Variants in CCNL1 observed in about 807,000 individuals in gnomAD.
The protein encoded by CCNL1 is cyclin L1.
Under a neutral mutation model 60.6 loss-of-function variants are expected in CCNL1, and 13 were observed. That is an observed-to-expected ratio of 0.21 (90% confidence interval 0.14 to 0.34). CCNL1 has a LOEUF of 0.34. Among genes scored for constraint, CCNL1 ranks in the 10% least tolerant of loss-of-function variants. The pLI is 1.00. For missense variants in CCNL1, 481 were observed against 664.3 expected (o/e 0.72, Z 3.03); for synonymous variants, 270 against 244.3 (o/e 1.10, Z -0.98).
intron 10 of CCNL1, 22 bp from the exon 11 acceptor site, chr3:157,148,611 GT>G (rs1234165053): frequency 3.2e-6 from 5 of 1,559,716 alleles, no homozygotes; most frequent in Non-Finnish European, 4.3e-6. Flanking sequence ...AAAATTTGAA[GT>G]TTAGGTTCAG....
At position 157,159,496 on chromosome 3, in the gene CCNL1, A is replaced by T; in HGVS notation, c.304-17T>A. The T allele has an allele frequency of 1.2e-6, 2 of 1,611,048 alleles. No individual in the cohort carries two copies. The highest frequency in any genetic ancestry group is 1.7e-6 in the Non-Finnish European group (2 of 1,177,642). On this transcript the variant is annotated splice_polypyrimidine_tract_variant and intron_variant, in intron 1 of 10. Transcript: ENST00000295926. ...CATCGCCACCTGCAGACAAGAGAGG[A>T]GAACGGAAGCGCAGGGGTCAGGCGG...
chr3:157,153,214 G>C, intron 3 of CCNL1, 58 bp from the exon 4 acceptor site: 1 of 1,557,334 alleles, frequency 6.4e-7, no homozygotes, highest in Non-Finnish European at 8.7e-7. Flanking sequence ...AATTTTATTT[G>C]TGGCATCTCC....
chr3:157,146,520 GAATTT>G, downstream of CCNL1: 1 of 448,394 alleles, frequency 2.2e-6, no homozygotes, highest in Non-Finnish European at 4.4e-6. Flanking sequence ...ACACTATTAA[GAATTT>G]AATACTTGGG....
intron 4 of CCNL1, chr3:157,152,634 T>C: frequency 9.3e-7 from 1 of 1,069,680 alleles, no homozygotes; most frequent in East Asian, 8.9e-5. Flanking sequence ...GAGAAACAAA[T>C]TTCCAATAAT....
intron 2 of CCNL1, 189 bp downstream of exon 2, chr3:157,159,216 G>A (rs1396940004): frequency 1.5e-6 from 1 of 651,584 alleles, no homozygotes; most frequent in African/African-American, 1.8e-5. Context: ...TTTTCGTTAA[G>A]AGGGCACTTA....
intron 8 of CCNL1, 117 bp downstream of exon 8, chr3:157,149,719 A>G: frequency 6.9e-7 from 1 of 1,441,028 alleles, no homozygotes; most frequent in South Asian, 1.3e-5. Context: ...CCATGAGAGA[A>G]CATAGCAGCA....
In CCNL1 at chr3:157,149,300, T is replaced by A; in HGVS notation, c.1219A>T (p.Thr407Ser). The A allele has an allele frequency of 6.2e-7, 1 of 1,611,810 alleles. No individual in the cohort carries two copies. The highest frequency in any genetic ancestry group is 8.5e-7 in the Non-Finnish European group (1 of 1,177,956). ...SRTRSRSRSH[T>S]PRRHYNNRRS... ...ACATTTACTTACTGTCTTCTTGGAG[T>A]ATGTGATCTAGAACGTGATCGTGTT... The change falls in exon 10 of 11, where the codon ACT becomes TCT. Residue 407 changes from threonine to serine, a missense_variant. This residue lies in a region of CCNL1 where 197 missense variants were observed against 233.9 expected (regional missense o/e 0.84). Coordinates refer to ENST00000295926, the MANE Select transcript of CCNL1 (RefSeq NM_020307.4).
In CCNL1 at chr3:157,158,939, T is replaced by C; in HGVS notation, c.415A>G (p.Ile139Val). Residue 139 changes from isoleucine to valine, a missense_variant, in exon 3 of 11, where the codon ATC becomes GTC. This residue lies in a region of CCNL1 where 130 missense variants were observed against 174.5 expected (regional missense o/e 0.75). Coordinates refer to ENST00000295926, the MANE Select transcript of CCNL1 (RefSeq NM_020307.4). ...AMACINLASK[I>V]EEAPRRIRDV... ...CTTATTCTTCTAGGTGCTTCTTCGA[T>C]TTTTGATGCAAGATTAATACAAGCC... is the stretch of plus-strand genomic sequence containing the variant. 2 of 1,613,362 alleles carry C rather than the reference T, an allele frequency of 1.2e-6. No homozygotes were observed. The highest frequency in any genetic ancestry group is 1.7e-6 in the Non-Finnish European group (2 of 1,179,650).
chr3:157,158,067 A>G (rs995635468), intron 3 of CCNL1, among the ~76,000 whole-genome samples: 1 of 152,252 alleles, frequency 6.6e-6, no homozygotes, highest in African/African-American at 2.4e-5. Context: ...ATGTACTGGA[A>G]GTCACCTGTA....
At chr3:157,146,363 C>G (rs1198376331), downstream of CCNL1, 1 of 261,202 alleles carries the variant, frequency 3.8e-6, no homozygotes, top group Non-Finnish European at 7.6e-6. Context: ...CTTTGCCTAG[C>G]CCACAAAGCC....
rs562288460 is a variant in CCNL1, at chr3:157,158,798, T to C, written c.488+68A>G. ...GTATTCACTTGAAAGGAAAGATGTTTTGATTTGATGACTGGTGCACGGTAC... is the reference window on the plus strand; with the variant it reads ...GTATTCACTTGAAAGGAAAGATGTTCTGATTTGATGACTGGTGCACGGTAC... On this transcript the variant is annotated intron_variant, in intron 3 of 10. Transcript: ENST00000295926. 2.0e-5 allele frequency: 20 copies of C among 984,842 alleles called. 1 individual carries two copies. In the South Asian group the frequency reaches 3.0e-4, roughly 15 times the overall value. 61.0% of individuals were successfully genotyped at this position (984,842 alleles called of 1,614,324 possible).
intron 5 of CCNL1, chr3:157,151,560 C>T (rs1414314378): frequency 8.1e-6 from 8 of 985,866 alleles, no homozygotes; most frequent in Non-Finnish European, 9.6e-6. Flanking sequence ...GCAAGTTTGT[C>T]GTCTCCTTTG....
intron 3 of CCNL1, among the ~76,000 whole-genome samples, chr3:157,156,543 G>A (rs758645494): frequency 5.3e-5 from 8 of 152,096 alleles, no homozygotes; most frequent in South Asian, 4.2e-4. Flanking sequence ...GATAATTATC[G>A]AACCACAAAA....
intron 4 of CCNL1, chr3:157,152,577 A>G (rs1291739458): frequency 9.3e-7 from 1 of 1,079,786 alleles, no homozygotes; most frequent in Non-Finnish European, 1.1e-6. Flanking sequence ...TGACCCGGGT[A>G]ACTCACTCTA....
downstream of CCNL1, chr3:157,146,590 C>T (rs1442793189): frequency 1.3e-5 from 5 of 388,314 alleles, no homozygotes; most frequent in South Asian, 1.8e-5. Flanking sequence ...ACCTGGGCAA[C>T]GTAGCAAGAC....
Position 157,150,175 on chromosome 3 carries a change from C to A in CCNL1, c.775-6G>T. On this transcript the variant is annotated splice_region_variant and splice_polypyrimidine_tract_variant and intron_variant, in intron 6 of 10. Transcript: ENST00000295926. ...GGACGAGTTGGCAACGGAATCTAAA[C>A]CATAAGAACAGAATGTTTTAAATTA... 6.2e-7 allele frequency: 1 copy of A among 1,610,342 alleles called. No homozygotes were observed. The highest frequency in any genetic ancestry group is 8.5e-7 in the Non-Finnish European group (1 of 1,178,610).
At chr3:157,148,625 TC>T in intron 10 of CCNL1, 36 bp from the exon 11 acceptor site, 4 of 1,528,556 alleles carry the variant, frequency 2.6e-6, no homozygotes, top group Non-Finnish European at 3.5e-6. Context: ...AGGTTCAGTT[TC>T]TATGGGGAAC....
In CCNL1 at chr3:157,149,977, G is replaced by A; in HGVS notation, c.880C>T (p.Pro294Ser). Reference protein sequence around the residue: ...ETLRLYTRKKPNYELLEKEVE... With the variant: ...ETLRLYTRKKSNYELLEKEVE... ...TCTTTTTCCAGTAATTCATAGTTTGGCTGTTGGAGGAAAAAAAAGTTAGTA... is the reference window on the plus strand; with the variant it reads ...TCTTTTTCCAGTAATTCATAGTTTGACTGTTGGAGGAAAAAAAAGTTAGTA... The change falls in exon 8 of 11, where the codon CCA becomes TCA. Residue 294 changes from proline to serine, a missense_variant and splice_region_variant. Coordinates refer to ENST00000295926, the MANE Select transcript of CCNL1 (RefSeq NM_020307.4). 2.5e-6 allele frequency: 4 copies of A among 1,587,396 alleles called. No individual in the cohort carries two copies. The highest frequency in any genetic ancestry group is 3.4e-6 in the Non-Finnish European group (4 of 1,172,218).
downstream of CCNL1, chr3:157,146,370 A>T (rs1482478061): frequency 2.2e-5 from 6 of 271,808 alleles, no homozygotes; most frequent in South Asian, 1.5e-4. Flanking sequence ...TAGCCCACAA[A>T]GCCACCTCTA....
Sources: allele counts gnomAD v4.1 joint callset (sites outside exome capture counted in the v4.1 genomes callset), GRCh38; gene constraint gnomAD v4.1.1; regional missense constraint gnomAD v4.1.1; transcripts MANE v1.5; gene names NCBI Gene and HGNC (gene_info 2026-07-23, HGNC 2026-07-21).